Variants in PIK3C2G observed in about 807,000 individuals in gnomAD.
PIK3C2G encodes the protein phosphatidylinositol 3-kinase C2 domain-containing subunit gamma.
Under a neutral mutation model 181.1 loss-of-function variants are expected in PIK3C2G, and 168 were observed. The ratio of observed to expected loss-of-function variants is 0.93; its 90% CI spans 0.82 to 1.05. PIK3C2G has a LOEUF of 1.05. Among genes scored for constraint, PIK3C2G ranks in the 50% least tolerant of loss-of-function variants. The pLI, the probability that PIK3C2G is intolerant of heterozygous loss-of-function variation, is 0.00. For missense variants in PIK3C2G, 1,869 were observed against 1,732.8 expected (o/e 1.08, Z -1.40); for synonymous variants, 573 against 592.2 (o/e 0.97, Z 0.47).
intron 26 of PIK3C2G, among the ~76,000 whole-genome samples, chr12:18,557,304 T>C (rs567057486): frequency 1.3e-5 from 2 of 151,864 alleles, no homozygotes; most frequent in African/African-American, 2.4e-5. Flanking sequence ...TCCCAGAGAA[T>C]TGACACACAC....
intron 5 of PIK3C2G, among the ~76,000 whole-genome samples, chr12:18,312,189 G>T (rs957307339): frequency 1.3e-5 from 2 of 152,078 alleles, no homozygotes; most frequent in African/African-American, 4.8e-5. Flanking sequence ...ACAATGCTTT[G>T]CATCCTCCGA....
chr12:18,414,688 T>G (rs1268468359), intron 16 of PIK3C2G, among the ~76,000 whole-genome samples: 5 of 151,720 alleles, frequency 3.3e-5, no homozygotes, highest in African/African-American at 1.2e-4. Context: ...GGTAAATAGA[T>G]AGATCAAAAA....
At chr12:18,533,739 C>G (rs1943682905) in intron 24 of PIK3C2G, among the ~76,000 whole-genome samples, 1 of 151,974 alleles carries the variant, frequency 6.6e-6, no homozygotes, top group African/African-American at 2.4e-5. Flanking sequence ...GTGTATATCT[C>G]CCTGATTAGA....
chr12:18,586,433 C>T (rs912187746), intron 29 of PIK3C2G, among the ~76,000 whole-genome samples: 3 of 152,030 alleles, frequency 2.0e-5, no homozygotes, highest in Admixed American at 1.3e-4. Flanking sequence ...CCATCAGAGA[C>T]TTACTTATGA....
intron 24 of PIK3C2G, among the ~76,000 whole-genome samples, chr12:18,514,447 C>T (rs994943655): frequency 2.0e-5 from 3 of 151,648 alleles, no homozygotes; most frequent in Non-Finnish European, 3.0e-5. Context: ...TAGTTTTTAT[C>T]GCAGAGATCT....
chr12:18,319,787 C>T (rs1951025828), intron 6 of PIK3C2G, among the ~76,000 whole-genome samples: 1 of 152,006 alleles, frequency 6.6e-6, no homozygotes, highest in Admixed American at 6.6e-5. Context: ...TTTTACTGTA[C>T]TTTTCATGAC....
chr12:18,613,862 G>T (rs1006633116), intron 31 of PIK3C2G, among the ~76,000 whole-genome samples: 11 of 152,054 alleles, frequency 7.2e-5, no homozygotes, highest in African/African-American at 2.2e-4. Context: ...CAAGTAAATT[G>T]TGGTGCCTTT....
At chr12:18,559,799 TATATATATATATATATATATATAGAG>T (rs1380514500) in intron 26 of PIK3C2G, among the ~76,000 whole-genome samples, 95 of 55,424 alleles carry the variant, frequency 1.7e-3, no homozygotes, top group African/African-American at 2.9e-3. Context: ...TATATATATA[TATATATATATATATATATATATAGAG>T]AGAGAGAGAG....
intron 5 of PIK3C2G, among the ~76,000 whole-genome samples, chr12:18,303,122 C>CTTTCTTTCTTTCT (rs1565575486): frequency 1.9e-5 from 2 of 107,632 alleles, no homozygotes; most frequent in Middle Eastern, 4.4e-3. Context: ...TTCCTTCTTT[C>CTTTCTTTCTTTCT]TTTCTTTCTT....
intron 31 of PIK3C2G, among the ~76,000 whole-genome samples, chr12:18,637,527 C>A (rs1441017993): frequency 1.3e-5 from 2 of 152,046 alleles, no homozygotes; most frequent in Non-Finnish European, 2.9e-5. Flanking sequence ...CTGATAGCTG[C>A]TTTGGCCCTG....
intron 31 of PIK3C2G, among the ~76,000 whole-genome samples, chr12:18,617,159 TC>T (rs1948641637): frequency 6.6e-6 from 1 of 152,104 alleles, no homozygotes; most frequent in Non-Finnish European, 1.5e-5. Context: ...GAGGAAGCAG[TC>T]TACCTGTAAC....
intron 2 of PIK3C2G, among the ~76,000 whole-genome samples, chr12:18,284,522 C>G (rs1254476802): frequency 3.9e-5 from 6 of 152,132 alleles, no homozygotes; most frequent in African/African-American, 1.4e-4. Flanking sequence ...GAAAATAACT[C>G]TACCAGTCAA....
intron 13 of PIK3C2G, among the ~76,000 whole-genome samples, chr12:18,379,184 A>T (rs1942666761): frequency 6.6e-6 from 1 of 152,066 alleles, no homozygotes. Context: ...CTATGCAGCC[A>T]TAAAAAAGGA....
At position 18,362,898 on chromosome 12, in the gene PIK3C2G, C is replaced by T; in HGVS notation, c.1748+12C>T. On this transcript the variant is annotated intron_variant, in intron 12 of 32. Coordinates refer to ENST00000538779, the MANE Select transcript of PIK3C2G (RefSeq NM_001288772.2). ...AACTGGAATGAAACGTAAGTTTAAT[C>T]TTTACTGTATCTGGATCATTTATGT... The T allele has an allele frequency of 6.7e-7, 1 of 1,484,074 alleles. No individual in the cohort carries two copies. The highest frequency in any genetic ancestry group is 2.5e-5 in the East Asian group (1 of 39,996). The allele number at this position is 1,484,074 out of a possible 1,614,324, so 91.9% of individuals were successfully genotyped here. A position where few individuals can be genotyped will look rare whatever the true frequency, so the allele number is the denominator to read the frequency against.
intron 10 of PIK3C2G, among the ~76,000 whole-genome samples, chr12:18,344,248 C>A (rs1472661272): frequency 6.6e-6 from 1 of 152,062 alleles, no homozygotes; most frequent in African/African-American, 2.4e-5. Flanking sequence ...GAAAACCTAA[C>A]CTGCCCTCCA....
chr12:18,306,550 T>A lies in PIK3C2G; in HGVS notation c.1035-7412T>A, dbSNP rs112501779. 1.5e-4 allele frequency among the ~76,000 whole-genome samples: 23 copies of A among 152,130 alleles called. 1 individual carries two copies. Among genetic ancestry groups the A allele is most frequent in the African/African-American group, 5.3e-4 (22 of 41,556 alleles). ...CTTTGAGCACAAAATCCAGGGCTAT[T>A]TTATTAGTTGCAAAGACCAGTTTAC... is the stretch of plus-strand genomic sequence containing the variant. On this transcript the variant is annotated intron_variant, in intron 5 of 32. Coordinates refer to ENST00000538779, the MANE Select transcript of PIK3C2G (RefSeq NM_001288772.2).
At chr12:18,309,142 A>T (rs1439648449) in intron 5 of PIK3C2G, among the ~76,000 whole-genome samples, 1 of 151,812 alleles carries the variant, frequency 6.6e-6, no homozygotes, top group African/African-American at 2.4e-5. Flanking sequence ...TATAAAAAAA[A>T]ATCAATACTT....
chr12:18,591,507 A>G (rs1947078412), intron 29 of PIK3C2G, among the ~76,000 whole-genome samples: 2 of 151,924 alleles, frequency 1.3e-5, no homozygotes, highest in African/African-American at 4.8e-5. Context: ...TAGGGGCAGA[A>G]AAGAAAGAGA....
intron 11 of PIK3C2G, among the ~76,000 whole-genome samples, chr12:18,351,558 C>T (rs2137702236): frequency 6.6e-6 from 1 of 152,278 alleles, no homozygotes; most frequent in Non-Finnish European, 1.5e-5. Flanking sequence ...TAACTGAGCA[C>T]ATTCTGTGAG....
Sources: allele counts gnomAD v4.1 joint callset (sites outside exome capture counted in the v4.1 genomes callset), GRCh38; gene constraint gnomAD v4.1.1; transcripts MANE v1.5; gene names NCBI Gene and HGNC (gene_info 2026-07-23, HGNC 2026-07-21).